Variants in ABCA12 observed in about 807,000 individuals in gnomAD.
ABCA12 encodes glucosylceramide transporter ABCA12.
A neutral mutation model predicts 293.5 loss-of-function variants in ABCA12; 156 were observed. The observed-to-expected ratio is 0.53, with a 90% CI of 0.47 to 0.61. The LOEUF is 0.61. ABCA12 is among the 20% of genes least tolerant of loss of function. The pLI, the probability that ABCA12 is intolerant of heterozygous loss-of-function variation, is 0.00. For missense variants in ABCA12, 2,797 were observed against 3,090.2 expected, an observed-to-expected ratio of 0.91 and a Z score of 2.25; for synonymous variants, 1,063 against 1,108.0, an observed-to-expected ratio of 0.96 and a Z score of 0.81.
intron 2 of ABCA12, among the ~76,000 whole-genome samples, chr2:215,072,839 G>A (rs895709648): frequency 1.3e-5 from 2 of 152,216 alleles, no homozygotes; most frequent in South Asian, 4.1e-4. Flanking sequence ...GCTCACGCCT[G>A]TAATCCCAGC....
chr2:214,947,649 A>C, intron 47 of ABCA12, 93 bp from the exon 48 acceptor site: 1 of 1,411,336 alleles, frequency 7.1e-7, no homozygotes, highest in African/African-American at 1.4e-5. Flanking sequence ...ATGAAAAGAA[A>C]ATGTTATCAT....
rs548856912 is a variant in ABCA12 at position 214,987,110 on chromosome 2, A to C, written c.3977-382T>G. ...CCAAAGTTGTGATTTTAGAGTGATAAGACTAGTTGAGATTGTGGTTTATAG... is the reference window on the plus strand; with the variant it reads ...CCAAAGTTGTGATTTTAGAGTGATACGACTAGTTGAGATTGTGGTTTATAG... On this transcript the variant is annotated intron_variant, in intron 27 of 52. Coordinates refer to ENST00000272895, the MANE Select transcript of ABCA12 (RefSeq NM_173076.3). Among the ~76,000 whole-genome samples, 4 of 152,300 alleles carry C rather than the reference A, an allele frequency of 2.6e-5. No homozygotes were observed. The East Asian group carries it at 7.7e-4, about 29-fold the overall frequency.
chr2:215,018,871 A>G (rs1191171648), intron 13 of ABCA12, among the ~76,000 whole-genome samples: 2 of 152,114 alleles, frequency 1.3e-5, no homozygotes, highest in African/African-American at 2.4e-5. Context: ...CTTTCCTTTC[A>G]GTATTGAGGA....
chr2:215,055,965 T>C (rs1701412039), intron 3 of ABCA12, among the ~76,000 whole-genome samples: 1 of 152,082 alleles, frequency 6.6e-6, no homozygotes, highest in Admixed American at 6.6e-5. Flanking sequence ...AAAGTTGAGT[T>C]TACTTTTCTT....
rs1379504752 is a variant in ABCA12 at position 215,134,634 on chromosome 2, G to GAGAGAT, written c.69+3505_69+3506insATCTCT. On this transcript the variant is annotated intron_variant, in intron 1 of 52. Coordinates refer to ENST00000272895, the MANE Select transcript of ABCA12 (RefSeq NM_173076.3). ...ATATATATAGAGAGAGAGAGAGAGAGAGAGAGACAAACAGAGAGAGAGAGA... is the reference window on the plus strand; with the variant it reads ...ATATATATAGAGAGAGAGAGAGAGAGAGAGATAGAGAGACAAACAGAGAGAGAGAGA... Among the ~76,000 whole-genome samples, 348 of 124,996 alleles carry GAGAGAT rather than the reference G, an allele frequency of 2.8e-3. 45 individuals are homozygous for GAGAGAT. The highest frequency in any genetic ancestry group is 0.013 in the African/African-American group (341 of 26,514). The allele number at this position is 124,996 out of a possible 152,430, so 82.0% of individuals were successfully genotyped here.
intron 1 of ABCA12, among the ~76,000 whole-genome samples, chr2:215,112,477 GTTTTTTTTGTTTTTTTTTTGT>G (rs1441915105): frequency 3.1e-4 from 39 of 127,808 alleles, no homozygotes; most frequent in African/African-American, 1.2e-3. Context: ...ATTTCTTTGG[GTTTTTTTTGTTTTTTTTTTGT>G]TTTTTTTTGT....
chr2:215,116,730 A>C (rs1702694473), intron 1 of ABCA12, among the ~76,000 whole-genome samples: 1 of 152,248 alleles, frequency 6.6e-6, no homozygotes, highest in South Asian at 2.1e-4. Context: ...GTCATCATGC[A>C]CAACCTAATG....
chr2:215,136,927 C>T (rs375758384), intron 1 of ABCA12, among the ~76,000 whole-genome samples: 1 of 152,120 alleles, frequency 6.6e-6, no homozygotes, highest in Admixed American at 6.6e-5. Flanking sequence ...GCAGGGGCCC[C>T]AACTCGCATG....
intron 1 of ABCA12, among the ~76,000 whole-genome samples, chr2:215,120,017 T>C (rs963639710): frequency 2.0e-5 from 3 of 152,324 alleles, no homozygotes; most frequent in African/African-American, 7.2e-5. Flanking sequence ...TCAACCTATG[T>C]GTCCATCAAT....
chr2:214,958,665 A>G (rs1258689934), intron 40 of ABCA12, among the ~76,000 whole-genome samples: 2 of 152,198 alleles, frequency 1.3e-5, no homozygotes, highest in East Asian at 3.9e-4. Context: ...TGAATTGACT[A>G]GGGATATTTG....
In ABCA12 at chr2:214,958,368, A is replaced by T; in HGVS notation, c.6026T>A (p.Val2009Glu). Residue 2009 changes from valine to glutamate, a missense_variant, in exon 41 of 53, where the codon GTA (valine) becomes GAA (glutamate). Around this residue, in one of 3 missense-constraint regions of ABCA12, gnomAD observed 2,130 missense variants for 2,427.0 expected, o/e 0.88. Transcript: ENST00000272895. ...TTTGGCTTTGGTTTGATGTTCCCTTACAACATAGGTGACAAAGCTGGCGGT... is the reference window on the plus strand; with the variant it reads ...TTTGGCTTTGGTTTGATGTTCCCTTTCAACATAGGTGACAAAGCTGGCGGT... Reference protein sequence around the residue: ...VTTASFVTYVVREHQTKAKQL... With the variant: ...VTTASFVTYVEREHQTKAKQL... 1 of 1,614,042 alleles carries T rather than the reference A, an allele frequency of 6.2e-7. No individual in the cohort carries two copies. The highest frequency in any genetic ancestry group is 8.5e-7 in the Non-Finnish European group (1 of 1,179,932).
At chr2:215,109,011 G>T (rs1356688928) in intron 2 of ABCA12, among the ~76,000 whole-genome samples, 1 of 151,410 alleles carries the variant, frequency 6.6e-6, no homozygotes, top group Non-Finnish European at 1.5e-5. Context: ...AGGTGGCAGC[G>T]AGCCGAGATC....
rs1159832996 is a variant in ABCA12, at chr2:215,104,758, G to A, written c.163+6839C>T. Among the ~76,000 whole-genome samples the A allele has an allele frequency of 3.3e-5, 5 of 152,254 alleles. No homozygotes were observed. In the East Asian group the frequency reaches 9.6e-4, roughly 29 times the overall value. Reference sequence around the variant, plus strand: ...CTTAAGCAAGAAGCAGGCTGTTAATGCTCCTACACAAAAAATCTCTCCTAC... The same window carrying A: ...CTTAAGCAAGAAGCAGGCTGTTAATACTCCTACACAAAAAATCTCTCCTAC... On this transcript the variant is annotated intron_variant, in intron 2 of 52. Coordinates refer to ENST00000272895, the MANE Select transcript of ABCA12 (RefSeq NM_173076.3).
At chr2:215,093,307 C>T (rs1483148094) in intron 2 of ABCA12, among the ~76,000 whole-genome samples, 1 of 152,170 alleles carries the variant, frequency 6.6e-6, no homozygotes, top group Non-Finnish European at 1.5e-5. Context: ...GTACTTTCAC[C>T]TTTGAATACC....
rs751227059 is a variant in ABCA12 at position 214,989,459 on chromosome 2, A to C, written c.3699T>G (p.Leu1233=). The C allele has an allele frequency of 1.2e-6, 2 of 1,613,558 alleles. No homozygotes were observed. The highest frequency in any genetic ancestry group is 1.7e-6 in the Non-Finnish European group (2 of 1,179,912). Reference sequence around the variant, plus strand: ...GGGAGGTGTACATATTTTCCCACTGAAGACCTAAAAAGTGAACACAAGTGT... The same window carrying C: ...GGGAGGTGTACATATTTTCCCACTGCAGACCTAAAAAGTGAACACAAGTGT... ...IARYEEQGIG[L]QWENMYTSPV... is the part of the protein sequence containing the mutation. Residue 1233 remains leucine (L), a synonymous_variant, in exon 26 of 53, where the codon CTT becomes CTG. Coordinates refer to ENST00000272895, the MANE Select transcript of ABCA12 (RefSeq NM_173076.3).
chr2:215,006,592 A>G (rs1409608), intron 19 of ABCA12, among the ~76,000 whole-genome samples: 114,200 of 152,070 alleles, frequency 0.75, 46,971 homozygotes, highest in East Asian at 0.95. Context: ...CTCATATCAT[A>G]TAATATCCTC....
intron 2 of ABCA12, among the ~76,000 whole-genome samples, chr2:215,109,295 G>C (rs1224523013): frequency 6.6e-6 from 1 of 152,130 alleles, no homozygotes; most frequent in Non-Finnish European, 1.5e-5. Context: ...AAATCTCATG[G>C]ACAAAGAAGC....
chr2:214,982,683 G>C (rs575264637), intron 29 of ABCA12, among the ~76,000 whole-genome samples: 2 of 152,126 alleles, frequency 1.3e-5, no homozygotes, highest in Non-Finnish European at 2.9e-5. Context: ...CAAATATCTA[G>C]AGAGTTCCTA....
chr2:214,983,632 C>T lies in ABCA12; in HGVS notation c.4382+15G>A. 2 of 1,611,950 alleles carry T rather than the reference C, an allele frequency of 1.2e-6. No homozygotes were observed. Among genetic ancestry groups the T allele is most frequent in the Non-Finnish European group, 1.7e-6 (2 of 1,178,066 alleles). On this transcript the variant is annotated intron_variant, in intron 29 of 52. Transcript: ENST00000272895. ...GGAGTTAGCAACTTAGGTTCTCATT[C>T]CTGTCTTAACTTGCCTTTTTACTTC...
Sources: gnomAD v4.1 joint callset for allele counts (sites outside exome capture counted in the v4.1 genomes callset) on GRCh38, gnomAD v4.1.1 for gene constraint, gnomAD v4.1.1 regional missense constraint, MANE v1.5 for transcripts, NCBI Gene and HGNC (gene_info 2026-07-23, HGNC 2026-07-21) for gene names.